ELOC: variants seen among roughly 807,000 people sequenced by gnomAD.
The protein encoded by ELOC is elongin-C.
For missense variants in ELOC, 38 were observed against 139.0 expected (o/e 0.27, Z 3.65); for synonymous variants, 40 against 51.3 (o/e 0.78, Z 0.94).
chr8:73,968,704 T>C (rs923684775), intron 1 of ELOC, among the ~76,000 whole-genome samples: 4 of 152,214 alleles, frequency 2.6e-5, no homozygotes, highest in Admixed American at 1.3e-4. Context: ...ACTTAAGCAA[T>C]GATTGATATT....
chr8:73,949,168 A>C (rs1813587426), intron 3 of ELOC, among the ~76,000 whole-genome samples: 1 of 152,260 alleles, frequency 6.6e-6, no homozygotes, highest in Non-Finnish European at 1.5e-5. Context: ...ATAGTATTTT[A>C]AAATACTAAA....
chr8:73,950,368 T>C (rs1813673648), intron 3 of ELOC, among the ~76,000 whole-genome samples: 1 of 152,214 alleles, frequency 6.6e-6, no homozygotes, highest in African/African-American at 2.4e-5. Flanking sequence ...AAACACTCTT[T>C]ACTATTAGAT....
At chr8:73,961,484 A>G (rs1814589868) in intron 1 of ELOC, among the ~76,000 whole-genome samples, 1 of 152,190 alleles carries the variant, frequency 6.6e-6, no homozygotes, top group Non-Finnish European at 1.5e-5. Flanking sequence ...CTTGCTAGGC[A>G]TGGAGACAGA....
chr8:73,969,688 C>T (rs1815227945), intron 1 of ELOC: 1 of 152,198 alleles, frequency 6.6e-6, no homozygotes, highest in Non-Finnish European at 1.5e-5. Context: ...CAAAATTAGA[C>T]ACCCCATCCC....
intron 1 of ELOC, among the ~76,000 whole-genome samples, chr8:73,964,028 G>T (rs1469312441): frequency 7.0e-6 from 1 of 143,784 alleles, no homozygotes; most frequent in African/African-American, 2.6e-5. Flanking sequence ...AGGAGGCGGA[G>T]GTTGCAGTGA....
At position 73,945,158 on chromosome 8, in the gene ELOC, C is replaced by T. The variant is rs2131044857; in HGVS notation, c.*1472G>A. ...TTTTTGAGACAGTCTCGCTCTGTCA[C>T]CCAGGCTGGAGTGCAGTGGTGCGAT... On this transcript the variant is annotated 3_prime_UTR_variant, in exon 4 of 4. Transcript: ENST00000520242. 7.1e-6 allele frequency: 1 copy of T among 141,416 alleles called. No individual in the cohort carries two copies. The highest frequency in any genetic ancestry group is 7.4e-5 in the Admixed American group (1 of 13,490). The allele number at this position is 141,416 out of a possible 1,614,324, so 8.8% of individuals were successfully genotyped here.
At chr8:73,948,611 T>G (rs913582600) in intron 3 of ELOC, among the ~76,000 whole-genome samples, 5 of 152,158 alleles carry the variant, frequency 3.3e-5, no homozygotes, top group African/African-American at 9.7e-5. Context: ...TTTAAACTAT[T>G]TAACTGTTTA....
chr8:73,952,202 G>A (rs1813816294), intron 3 of ELOC, among the ~76,000 whole-genome samples: 3 of 152,058 alleles, frequency 2.0e-5, no homozygotes, highest in Admixed American at 1.3e-4. Context: ...CTAGGATTTC[G>A]AGACCAGCCT....
intron 3 of ELOC, among the ~76,000 whole-genome samples, chr8:73,954,651 CAAAAAAAA>C: frequency 9.4e-6 from 1 of 106,490 alleles, no homozygotes; most frequent in South Asian, 2.8e-4. Context: ...GACTCCGTCT[CAAAAAAAA>C]AAAAAAAAGA....
At chr8:73,950,316 T>A (rs1813667299) in intron 3 of ELOC, among the ~76,000 whole-genome samples, 1 of 152,114 alleles carries the variant, frequency 6.6e-6, no homozygotes, top group African/African-American at 2.4e-5. Flanking sequence ...ACATGAAATA[T>A]AGTCATGAAT....
intron 3 of ELOC, among the ~76,000 whole-genome samples, chr8:73,952,718 T>C (rs1175884999): frequency 1.4e-5 from 2 of 146,344 alleles, no homozygotes; most frequent in African/African-American, 5.1e-5. Context: ...GAGGTGGAGC[T>C]TGCAATAAGC....
chr8:73,972,180 G>C lies in ELOC; in HGVS notation c.-154C>G, dbSNP rs569898427. ...AGCTGCCTGCTCCGGTGGGTTCCGG[G>C]GCAGTCGAAAGAATTACTTCCGCTG... is the stretch of plus-strand genomic sequence containing the variant. On this transcript the variant is annotated 5_prime_UTR_variant, in exon 1 of 4. Transcript: ENST00000520242. The C allele has an allele frequency of 6.6e-6, 1 of 152,522 alleles. No homozygotes were observed. Among genetic ancestry groups the C allele is most frequent in the East Asian group, 1.9e-4 (1 of 5,184 alleles). 9.4% of individuals were successfully genotyped at this position (152,522 alleles called of 1,614,324 possible). A position where few individuals can be genotyped will look rare whatever the true frequency, so the allele number is the denominator to read the frequency against.
At chr8:73,971,379 C>A (rs1815391212) in intron 1 of ELOC, among the ~76,000 whole-genome samples, 1 of 152,142 alleles carries the variant, frequency 6.6e-6, no homozygotes, top group Non-Finnish European at 1.5e-5. Context: ...CTAGCCTGGG[C>A]AACAAGAGCA....
intron 1 of ELOC, among the ~76,000 whole-genome samples, chr8:73,965,193 C>A (rs1814893770): frequency 6.6e-6 from 1 of 151,272 alleles, no homozygotes. Context: ...AAAAAAAATC[C>A]AATTAAAGTT....
intron 3 of ELOC, among the ~76,000 whole-genome samples, chr8:73,954,193 T>C (rs975635084): frequency 6.6e-6 from 1 of 152,128 alleles, no homozygotes; most frequent in Non-Finnish European, 1.5e-5. Context: ...TGGGAAGGGA[T>C]AGTGACAGCT....
chr8:73,965,179 A>G (rs749623078), intron 1 of ELOC, among the ~76,000 whole-genome samples: 1 of 152,184 alleles, frequency 6.6e-6, no homozygotes, highest in Non-Finnish European at 1.5e-5. Context: ...CTGTATGTCA[A>G]TAAAAAAAAA....
chr8:73,951,771 T>G (rs1403399722), intron 3 of ELOC, among the ~76,000 whole-genome samples: 2 of 152,172 alleles, frequency 1.3e-5, no homozygotes, highest in Non-Finnish European at 2.9e-5. Context: ...GGCCTCATAC[T>G]TTCTGATTTT....
intron 2 of ELOC, among the ~76,000 whole-genome samples, chr8:73,957,638 T>A (rs574092544): frequency 2.0e-4 from 31 of 152,034 alleles, no homozygotes; most frequent in Non-Finnish European, 4.1e-4. Context: ...TTGAATCAAA[T>A]CACAAGAAAA....
At chr8:73,946,929 A>C (rs1391123401) in intron 3 of ELOC, 109 bp from the exon 4 acceptor site, 1 of 842,040 alleles carries the variant, frequency 1.2e-6, no homozygotes, top group Admixed American at 2.8e-5. Context: ...TTTAGAGATA[A>C]GTTCTTTAAA....
Sources: gnomAD v4.1 joint callset for allele counts (sites outside exome capture counted in the v4.1 genomes callset) on GRCh38, gnomAD v4.1.1 for gene constraint, MANE v1.5 for transcripts, NCBI Gene and HGNC (gene_info 2026-07-23, HGNC 2026-07-21) for gene names.